The following MAGI3 variants were observed in gnomAD, a reference collection of about 807,000 sequenced individuals.
MAGI3 encodes the protein membrane-associated guanylate kinase, WW and PDZ domain-containing protein 3.
Under a neutral mutation model 121.8 loss-of-function variants are expected in MAGI3, and 43 were observed. The observed-to-expected ratio is 0.35, with a 90% CI of 0.28 to 0.46. The LOEUF (loss-of-function observed/expected upper bound fraction) is 0.46, where lower values mean the gene tolerates loss of function less well. Ranked by LOEUF, MAGI3 falls within the 20% of genes least tolerant of loss-of-function variation. The pLI, the probability that MAGI3 is intolerant of heterozygous loss-of-function variation, is 1.00. For missense variants in MAGI3, 1,547 were observed against 1,797.3 expected (o/e 0.86, Z 2.52); for synonymous variants, 553 against 639.3 (o/e 0.86, Z 2.04).
chr1:113,479,519 A>G (rs1480655059), intron 1 of MAGI3, among the ~76,000 whole-genome samples: 1 of 152,184 alleles, frequency 6.6e-6, no homozygotes, highest in East Asian at 1.9e-4. Context: ...TGCTGCTTTC[A>G]AAATTCTCTC....
intron 1 of MAGI3, among the ~76,000 whole-genome samples, chr1:113,545,226 A>G (rs981417930): frequency 1.3e-5 from 2 of 152,162 alleles, no homozygotes; most frequent in African/African-American, 4.8e-5. Flanking sequence ...GTAAAATTTG[A>G]AGAGATTGTA....
intron 1 of MAGI3, among the ~76,000 whole-genome samples, chr1:113,445,890 G>A (rs567609248): frequency 1.3e-5 from 2 of 152,308 alleles, no homozygotes; most frequent in South Asian, 4.1e-4. Context: ...CCTGCAAGAA[G>A]TGCTTAAGGG....
intron 6 of MAGI3, among the ~76,000 whole-genome samples, chr1:113,599,833 G>A (rs960607848): frequency 2.0e-4 from 30 of 151,788 alleles, no homozygotes; most frequent in African/African-American, 7.3e-4. Flanking sequence ...TAAAATACTG[G>A]CAAACTGAAT....
chr1:113,579,967 T>G (rs1647908533), intron 2 of MAGI3, among the ~76,000 whole-genome samples: 1 of 152,034 alleles, frequency 6.6e-6, no homozygotes, highest in South Asian at 2.1e-4. Flanking sequence ...TTAGTAAAAT[T>G]CAGTCAAATG....
chr1:113,619,686 T>C (rs1650701686), intron 7 of MAGI3, 50 bp from the exon 8 acceptor site: 1 of 1,209,322 alleles, frequency 8.3e-7, no homozygotes, highest in African/African-American at 1.5e-5. Context: ...TTTAAGAATA[T>C]GTTACTGTTT....
At chr1:113,575,290 G>A (rs1381926458) in intron 2 of MAGI3, among the ~76,000 whole-genome samples, 2 of 152,160 alleles carry the variant, frequency 1.3e-5, no homozygotes, top group African/African-American at 4.8e-5. Context: ...GGAATTTTCA[G>A]CATTTTTGTA....
intron 1 of MAGI3, among the ~76,000 whole-genome samples, chr1:113,491,328 A>G (rs1656656859): frequency 6.6e-6 from 1 of 152,218 alleles, no homozygotes; most frequent in Non-Finnish European, 1.5e-5. Context: ...TTTGAAACTA[A>G]TGAGAACAAA....
chr1:113,440,951 TA>T (rs1653882613), intron 1 of MAGI3, among the ~76,000 whole-genome samples: 3 of 152,056 alleles, frequency 2.0e-5, no homozygotes, highest in Admixed American at 6.6e-5. Flanking sequence ...TAAGAATGCT[TA>T]AAAAAATGCT....
chr1:113,448,464 G>A (rs377661773), intron 1 of MAGI3, among the ~76,000 whole-genome samples: 47 of 152,272 alleles, frequency 3.1e-4, no homozygotes, highest in East Asian at 1.2e-3. Context: ...CAGATATTCC[G>A]TTAAATATTG....
chr1:113,493,480 T>C (rs1279313649), intron 1 of MAGI3, among the ~76,000 whole-genome samples: 1 of 152,152 alleles, frequency 6.6e-6, no homozygotes, highest in South Asian at 2.1e-4. Context: ...CAAATTTTCA[T>C]GACAAAGATG....
intron 2 of MAGI3, among the ~76,000 whole-genome samples, chr1:113,556,357 G>A (rs771552001): frequency 1.3e-5 from 2 of 151,950 alleles, no homozygotes; most frequent in Non-Finnish European, 2.9e-5. Flanking sequence ...TCCGGAGGCC[G>A]GGTGCAGTGG....
chr1:113,534,496 C>T (rs546155778), intron 1 of MAGI3, among the ~76,000 whole-genome samples: 1 of 152,208 alleles, frequency 6.6e-6, no homozygotes, highest in African/African-American at 2.4e-5. Flanking sequence ...TCTATCTATC[C>T]TCTCCATTCA....
intron 8 of MAGI3, among the ~76,000 whole-genome samples, chr1:113,620,677 A>T (rs921769365): frequency 5.3e-5 from 8 of 152,182 alleles, no homozygotes; most frequent in African/African-American, 1.9e-4. Flanking sequence ...TAAGAGTAAG[A>T]CAGGGCTTGC....
chr1:113,494,225 G>A (rs1282678017), intron 1 of MAGI3, among the ~76,000 whole-genome samples: 2 of 152,140 alleles, frequency 1.3e-5, no homozygotes, highest in South Asian at 2.1e-4. Context: ...CATGGATGGA[G>A]CTGGAGGCCA....
At chr1:113,396,666 T>A (rs1035765158) in intron 1 of MAGI3, among the ~76,000 whole-genome samples, 2 of 152,130 alleles carry the variant, frequency 1.3e-5, no homozygotes, top group African/African-American at 2.4e-5. Flanking sequence ...ACAGAAAAAA[T>A]AAGAAGTCCT....
In MAGI3 at chr1:113,658,349, A is replaced by G. The variant is rs1653591271; in HGVS notation, c.2630-731A>G. ...AGCTAGAGATACAGTAGAGCTACAC[A>G]GAGCATCTTTGCAATTGTATTAGAC... On this transcript the variant is annotated intron_variant, in intron 15 of 20. Transcript: ENST00000307546. The surrounding 1 kb of genome is among the most constrained non-coding windows in gnomAD (Gnocchi z 4.0). 1.3e-5 allele frequency among the ~76,000 whole-genome samples: 2 copies of G among 152,382 alleles called. No homozygotes were observed. Among genetic ancestry groups the G allele is most frequent in the South Asian group, 2.1e-4 (1 of 4,832 alleles).
intron 1 of MAGI3, among the ~76,000 whole-genome samples, chr1:113,406,263 G>C (rs1447568776): frequency 7.0e-6 from 1 of 143,704 alleles, no homozygotes; most frequent in Admixed American, 7.1e-5. Context: ...AACACAGTGA[G>C]ACCTTTTGTC....
chr1:113,398,822 T>A (rs1651251389), intron 1 of MAGI3, among the ~76,000 whole-genome samples: 1 of 152,020 alleles, frequency 6.6e-6, no homozygotes, highest in Non-Finnish European at 1.5e-5. Flanking sequence ...ATGGAGTAGT[T>A]CCAGAGATAT....
intron 1 of MAGI3, among the ~76,000 whole-genome samples, chr1:113,511,820 G>A (rs1156719728): frequency 6.6e-6 from 1 of 152,188 alleles, no homozygotes; most frequent in African/African-American, 2.4e-5. Context: ...ATTTACTGAA[G>A]CTGATATTGG....
Sources: allele counts gnomAD v4.1 joint callset (sites outside exome capture counted in the v4.1 genomes callset), GRCh38; gene constraint gnomAD v4.1.1; non-coding constraint Gnocchi (gnomAD v3.1); transcripts MANE v1.5; gene names NCBI Gene and HGNC (gene_info 2026-07-23, HGNC 2026-07-21).